NCAM2: variants seen among roughly 807,000 people sequenced by gnomAD.
The protein encoded by NCAM2 is N-CAM-2.
NCAM2 carries 30 observed loss-of-function variants against 98.1 expected under a neutral mutation model. The observed-to-expected ratio is 0.31, with a 90% CI of 0.23 to 0.41. The LOEUF (loss-of-function observed/expected upper bound fraction) is 0.41, where lower values mean the gene tolerates loss of function less well. Ranked by LOEUF, NCAM2 falls within the 10% of genes least tolerant of loss-of-function variation. The probability of loss-of-function intolerance (pLI) is 1.00; values close to 1 mark genes in which losing one functional copy is unlikely to be tolerated. For missense variants in NCAM2, 867 were observed against 1,005.8 expected, an observed-to-expected ratio of 0.86 and a Z score of 1.87; for synonymous variants, 368 against 342.4, an observed-to-expected ratio of 1.07 and a Z score of -0.83.
chr21:21,161,206 C>G (rs1217075460), intron 1 of NCAM2, among the ~76,000 whole-genome samples: 2 of 151,472 alleles, frequency 1.3e-5, no homozygotes, highest in Non-Finnish European at 2.9e-5. Context: ...GATCAATAAT[C>G]TTAAGACAGA....
At chr21:21,158,660 G>A (rs1320877209) in intron 1 of NCAM2, among the ~76,000 whole-genome samples, 1 of 151,264 alleles carries the variant, frequency 6.6e-6, no homozygotes, top group Non-Finnish European at 1.5e-5. Flanking sequence ...ATATCACTTA[G>A]TGACAAAGTA....
chr21:21,198,737 T>C (rs1024325055), intron 1 of NCAM2, among the ~76,000 whole-genome samples: 1 of 152,180 alleles, frequency 6.6e-6, no homozygotes, highest in African/African-American at 2.4e-5. Context: ...CCTGTTTCTC[T>C]CTATATTGTC....
At chr21:21,134,163 G>C (rs1330165422) in intron 1 of NCAM2, among the ~76,000 whole-genome samples, 1 of 151,614 alleles carries the variant, frequency 6.6e-6, no homozygotes, top group Non-Finnish European at 1.5e-5. Context: ...CCGCCTCCCG[G>C]GTCCAGGAGA....
intron 17 of NCAM2, among the ~76,000 whole-genome samples, chr21:21,537,638 A>T (rs1251222291): frequency 6.6e-6 from 1 of 152,018 alleles, no homozygotes; most frequent in Non-Finnish European, 1.5e-5. Flanking sequence ...GATCTTTTTA[A>T]ATCTATTTTA....
chr21:21,098,809 A>G (rs1316873329), intron 1 of NCAM2, among the ~76,000 whole-genome samples: 2 of 151,860 alleles, frequency 1.3e-5, no homozygotes, highest in African/African-American at 4.8e-5. Flanking sequence ...TCCTGATGGC[A>G]GCAATTTTTT....
intron 1 of NCAM2, among the ~76,000 whole-genome samples, chr21:21,265,348 A>G (rs2072198755): frequency 8.5e-6 from 1 of 117,750 alleles, no homozygotes; most frequent in African/African-American, 3.4e-5. Context: ...ATGTGTATGT[A>G]TGTATATATT....
At chr21:21,357,744 G>T (rs913253276) in intron 8 of NCAM2, among the ~76,000 whole-genome samples, 1 of 151,584 alleles carries the variant, frequency 6.6e-6, no homozygotes, top group African/African-American at 2.4e-5. Context: ...GGTGCATTCT[G>T]GGATGCAATT....
chr21:21,079,732 C>A (rs2146397876), intron 1 of NCAM2, among the ~76,000 whole-genome samples: 1 of 152,238 alleles, frequency 6.6e-6, no homozygotes, highest in South Asian at 2.1e-4. Context: ...CTAAAAGACT[C>A]ATCTCCTTAA....
At chr21:21,240,479 C>T (rs540334726) in intron 1 of NCAM2, among the ~76,000 whole-genome samples, 2 of 152,098 alleles carry the variant, frequency 1.3e-5, no homozygotes, top group African/African-American at 4.8e-5. Flanking sequence ...GGGAAGGCTA[C>T]GTCAGTTTTC....
At chr21:21,131,270 T>A (rs1363555495) in intron 1 of NCAM2, among the ~76,000 whole-genome samples, 1 of 123,822 alleles carries the variant, frequency 8.1e-6, no homozygotes, top group Non-Finnish European at 1.7e-5. Context: ...TTCTAGGGTT[T>A]AATTTTTCTG....
At chr21:21,452,524 A>G (rs1981294658) in intron 12 of NCAM2, among the ~76,000 whole-genome samples, 2 of 129,372 alleles carry the variant, frequency 1.5e-5, no homozygotes, top group African/African-American at 5.8e-5. Context: ...TATAAAATAT[A>G]TTATATATTA....
chr21:21,148,202 T>C (rs1345301492), intron 1 of NCAM2, among the ~76,000 whole-genome samples: 1 of 152,178 alleles, frequency 6.6e-6, no homozygotes, highest in African/African-American at 2.4e-5. Context: ...TCAGAAATTA[T>C]GTTTGATCAG....
At chr21:21,322,991 G>A (rs939338957) in intron 5 of NCAM2, among the ~76,000 whole-genome samples, 16 of 152,004 alleles carry the variant, frequency 1.1e-4, no homozygotes, top group Non-Finnish European at 1.5e-4. Flanking sequence ...TCCAGGAAGC[G>A]TTGACTACTT....
In NCAM2 at chr21:21,210,722, C is replaced by A. The variant is rs112182434; in HGVS notation, c.56-69856C>A. 12 of 1,058,294 alleles carry A rather than the reference C, an allele frequency of 1.1e-5. No homozygotes were observed. In the African/African-American group the frequency reaches 1.2e-4, roughly 11 times the overall value. 65.6% of individuals were successfully genotyped at this position (1,058,294 alleles called of 1,614,324 possible). A position where few individuals can be genotyped will look rare whatever the true frequency, so the allele number is the denominator to read the frequency against. On this transcript the variant is annotated intron_variant, in intron 1 of 17. Transcript: ENST00000400546. ...CTGGACCATTGCCCAGGGCTGTAAT[C>A]TATAAGGAATGTCAAAATGTCATTG...
chr21:21,380,916 CT>C (rs1348871575), intron 9 of NCAM2, among the ~76,000 whole-genome samples: 3 of 152,144 alleles, frequency 2.0e-5, no homozygotes, highest in Admixed American at 6.6e-5. Context: ...CTCTTTTTCT[CT>C]GCTGATCTCT....
chr21:21,464,245 G>C (rs1983380133), intron 12 of NCAM2, among the ~76,000 whole-genome samples: 1 of 151,900 alleles, frequency 6.6e-6, no homozygotes, highest in African/African-American at 2.4e-5. Context: ...TATCAAAGTT[G>C]GCTGTTTTAT....
At chr21:21,119,424 G>A (rs2066627353) in intron 1 of NCAM2, among the ~76,000 whole-genome samples, 1 of 152,034 alleles carries the variant, frequency 6.6e-6, no homozygotes, top group African/African-American at 2.4e-5. Flanking sequence ...AGGATTTTTT[G>A]CTATTCTCTA....
intron 6 of NCAM2, among the ~76,000 whole-genome samples, chr21:21,331,995 C>A (rs2074723373): frequency 6.6e-6 from 1 of 151,902 alleles, no homozygotes; most frequent in South Asian, 2.1e-4. Context: ...CTCCACCTCC[C>A]AGATTCAAGT....
At chr21:21,090,546 A>AT (rs1179464821) in intron 1 of NCAM2, among the ~76,000 whole-genome samples, 1 of 152,166 alleles carries the variant, frequency 6.6e-6, no homozygotes, top group Non-Finnish European at 1.5e-5. Context: ...TCCCTTGCCT[A>AT]TTTTAGCTAT....
Sources: allele counts gnomAD v4.1 joint callset (sites outside exome capture counted in the v4.1 genomes callset), GRCh38; gene constraint gnomAD v4.1.1; transcripts MANE v1.5; gene names NCBI Gene and HGNC (gene_info 2026-07-23, HGNC 2026-07-21).